The following NELFA variants were observed in gnomAD, a reference collection of about 807,000 sequenced individuals.
NELFA encodes the protein negative elongation factor complex member A.
A neutral mutation model predicts 51.8 loss-of-function variants in NELFA; 35 were observed. The observed-to-expected ratio is 0.68, with a 90% CI of 0.52 to 0.90. NELFA has a LOEUF of 0.90. Among genes scored for constraint, NELFA ranks in the 40% least tolerant of loss-of-function variants. The pLI, the probability that NELFA is intolerant of heterozygous loss-of-function variation, is 0.00. For synonymous variants in NELFA, 417 were observed against 338.4 expected (o/e 1.23, Z -2.55); for missense variants, 658 against 746.4 (o/e 0.88, Z 1.38).
chr4:1,984,968 C>T (rs1359662456), intron 7 of NELFA, 49 bp from the exon 8 acceptor site: 3 of 1,374,770 alleles, frequency 2.2e-6, no homozygotes, highest in African/African-American at 1.4e-5. Flanking sequence ...ATGCTTCCGG[C>T]ATGTGCTAAC....
In NELFA at chr4:1,984,066, G is replaced by T. The variant is rs1057035677; in HGVS notation, c.1084C>A (p.Pro362Thr). The T allele has an allele frequency of 5.0e-6, 8 of 1,597,380 alleles. No homozygotes were observed. The highest frequency in any genetic ancestry group is 6.8e-6 in the Non-Finnish European group (8 of 1,176,392). The stretch of plus-strand genomic sequence containing the variant: ...AACTGCGCTGGCAACGTGGGGCTCG[G>T]GGCGCTGGGCTCCTCTGGTGGGCGG... ...ASRPPEEPSAPSPTLPAQFKQ... is the reference protein window; with the variant it reads ...ASRPPEEPSATSPTLPAQFKQ... The change falls in exon 9 of 11, where the codon CCG (proline) becomes ACG (threonine). Residue 362 changes from proline (P) to threonine (T), a missense_variant. Pro to Thr is a conservative substitution (Grantham distance 38). Transcript: ENST00000382882.
At chr4:1,984,721 A>T in intron 8 of NELFA, 87 bp downstream of exon 8, 2 of 900,292 alleles carry the variant, frequency 2.2e-6, no homozygotes, top group Non-Finnish European at 3.4e-6. Context: ...TGCAGGAGTG[A>T]GAACCGCAGC....
chr4:1,995,069 C>G (rs1270459679), intron 1 of NELFA, among the ~76,000 whole-genome samples: 1 of 152,170 alleles, frequency 6.6e-6, no homozygotes, highest in Non-Finnish European at 1.5e-5. Flanking sequence ...CTGAATTGTA[C>G]TGAGTGAGGC....
Position 1,984,821 on chromosome 4 carries a change from G to C in NELFA, c.1023C>G (p.Ser341=). The change falls in exon 8 of 11, where the codon TCC becomes TCG. Residue 341 remains serine, a synonymous_variant. Coordinates refer to ENST00000382882, the MANE Select transcript of NELFA (RefSeq NM_005663.5). ...CAGCAGACTCACCTGGGGGCGTCTC[G>C]GAGCTGGGGATGTAGGAGGAGGCGG... The part of the protein sequence containing the change: ...VVPASSYIPS[S]ETPPAPSSRE... 6.4e-7 allele frequency: 1 copy of C among 1,564,428 alleles called. No individual in the cohort carries two copies. The highest frequency in any genetic ancestry group is 8.7e-7 in the Non-Finnish European group (1 of 1,153,842).
rs143788115 is a variant in NELFA, at chr4:1,997,739, G to A, written c.211-6024C>T. Among the ~76,000 whole-genome samples, 61 of 152,324 alleles carry A rather than the reference G, an allele frequency of 4.0e-4. No individual in the cohort carries two copies. In the East Asian group the frequency reaches 5.0e-3, roughly 13 times the overall value. On this transcript the variant is annotated intron_variant, in intron 1 of 10. Coordinates refer to ENST00000382882, the MANE Select transcript of NELFA (RefSeq NM_005663.5). Reference sequence around the variant, plus strand: ...AGAATAACCTGGGCAGCCCAGACAAGTGGTTTCCCCCCACTGAAGCACACT... The same window carrying A: ...AGAATAACCTGGGCAGCCCAGACAAATGGTTTCCCCCCACTGAAGCACACT...
chr4:1,993,511 G>A (rs904430667), intron 1 of NELFA, among the ~76,000 whole-genome samples: 35 of 151,016 alleles, frequency 2.3e-4, no homozygotes, highest in Non-Finnish European at 4.4e-4. Context: ...CCCAGGAGGC[G>A]GAGGTTGCGT....
chr4:1,992,551 T>TA (rs1453169634), intron 1 of NELFA: 2 of 356,796 alleles, frequency 5.6e-6, no homozygotes, highest in Non-Finnish European at 1.2e-5. Context: ...CTGGGCTGGC[T>TA]GGCGCTGGGG....
chr4:2,002,983 A>G (rs921703636), intron 1 of NELFA, among the ~76,000 whole-genome samples: 1 of 152,234 alleles, frequency 6.6e-6, no homozygotes, highest in Admixed American at 6.5e-5. Flanking sequence ...CAATCTACTC[A>G]TCTGACAAAG....
intron 6 of NELFA, 125 bp from the exon 7 acceptor site, chr4:1,985,989 C>T (rs1728079277): frequency 2.2e-6 from 3 of 1,343,124 alleles, no homozygotes; most frequent in Non-Finnish European, 2.0e-6. Flanking sequence ...AAAGCAGGCA[C>T]CCACCCACGG....
intron 1 of NELFA, chr4:2,007,971 C>T (rs1455651183): frequency 2.2e-6 from 1 of 456,874 alleles, no homozygotes; most frequent in Non-Finnish European, 4.4e-6. Flanking sequence ...ACCTCACACA[C>T]CCACTTATTG....
In NELFA at chr4:2,008,809, C is replaced by A. The variant is rs1205655110; in HGVS notation, c.151G>T (p.Ala51Ser). The A allele has an allele frequency of 1.2e-6, 2 of 1,612,746 alleles. No individual in the cohort carries two copies. The highest frequency in any genetic ancestry group is 4.5e-5 in the East Asian group (2 of 44,814). The change falls in exon 1 of 11, where the codon GCA (alanine) becomes TCA (serine). Residue 51 changes from alanine (A) to serine (S), a missense_variant. Transcript: ENST00000382882. The stretch of plus-strand genomic sequence containing the variant: ...CCGAGTAGCAACTTGAGCTTCACTG[C>A]CGACGAGAGGCCATGGAAGCAGAGA... ...IRLCFHGLSS[A>S]VKLKLLLGTL...
Position 1,991,710 on chromosome 4 carries a change from C to G in NELFA, c.216G>C (p.Lys72Asn). 6.3e-7 allele frequency: 1 copy of G among 1,594,154 alleles called. No homozygotes were observed. The highest frequency in any genetic ancestry group is 8.5e-7 in the Non-Finnish European group (1 of 1,171,536). ...GCTGGATGATCTCCATTAGGGCGCCCTTCATCTGCAAAATAGGATGCTGCC... is the reference window on the plus strand; with the variant it reads ...GCTGGATGATCTCCATTAGGGCGCCGTTCATCTGCAAAATAGGATGCTGCC... ...HLPRRTVDEMKGALMEIIQLA... is the reference protein window; with the variant it reads ...HLPRRTVDEMNGALMEIIQLA... Residue 72 changes from lysine (K) to asparagine (N), a missense_variant, in exon 2 of 11, where the codon AAG becomes AAC. Lys to Asn is a moderately conservative substitution (Grantham distance 94). Transcript: ENST00000382882.
chr4:2,007,375 G>A (rs1024557824), intron 1 of NELFA, among the ~76,000 whole-genome samples: 4 of 152,154 alleles, frequency 2.6e-5, no homozygotes, highest in African/African-American at 7.2e-5. Flanking sequence ...GAGCACAAAA[G>A]CTAAGCGTGT....
chr4:1,984,854 G>T lies in NELFA; in HGVS notation c.990C>A (p.Ser330Arg). ...GGATGTAGGAGGAGGCGGGAACCACGCTGGGCGTGGAGGGAAGGTAGCTCG... is the reference window on the plus strand; with the variant it reads ...GGATGTAGGAGGAGGCGGGAACCACTCTGGGCGTGGAGGGAAGGTAGCTCG... ...PSTSYLPSTP[S>R]VVPASSYIPS... Residue 330 changes from serine to arginine, a missense_variant, in exon 8 of 11, where the codon AGC becomes AGA. Transcript: ENST00000382882. 1 of 1,577,828 alleles carries T rather than the reference G, an allele frequency of 6.3e-7. No individual in the cohort carries two copies. The highest frequency in any genetic ancestry group is 8.6e-7 in the Non-Finnish European group (1 of 1,161,066).
At chr4:1,987,565 G>C in intron 4 of NELFA, 1 of 237,936 alleles carries the variant, frequency 4.2e-6, no homozygotes, top group Non-Finnish European at 8.1e-6. Context: ...GGAAGGCCGA[G>C]AGCCACCGGT....
chr4:1,991,162 A>G (rs1346847530), intron 2 of NELFA, among the ~76,000 whole-genome samples: 3 of 152,178 alleles, frequency 2.0e-5, no homozygotes, highest in African/African-American at 7.2e-5. Context: ...GATATTTTCA[A>G]CATGCATTTC....
Position 1,991,617 on chromosome 4 carries a change from T to C in NELFA, c.309A>G (p.Thr103=), listed in dbSNP as rs767727218. The change falls in exon 2 of 11, where the codon ACA becomes ACG. Residue 103 remains threonine (T), a synonymous_variant. Transcript: ENST00000382882. ...CCTCCAGCTCCAGGTTAAGCGAGCC[T>C]GTGTCCGGAAAGGACTTCAAGATGT... ...VADILKSFPD[T]GSLNLELEEQ... The C allele has an allele frequency of 4.3e-6, 7 of 1,614,034 alleles. No homozygotes were observed. The highest frequency in any genetic ancestry group is 3.3e-5 in the Admixed American group (2 of 59,990).
chr4:1,984,013 G>T lies in NELFA; in HGVS notation c.1137C>A (p.Ser379Arg), dbSNP rs752983379. The change falls in exon 9 of 11, where the codon AGC becomes AGA. Residue 379 changes from serine to arginine, a missense_variant. Around this residue, in one of 3 missense-constraint regions of NELFA, gnomAD observed 200 missense variants for 167.9 expected, o/e 1.19. Coordinates refer to ENST00000382882, the MANE Select transcript of NELFA (RefSeq NM_005663.5). Reference protein sequence around the residue: ...QFKQRAPMYNSGLSPATPTPA... With the variant: ...QFKQRAPMYNRGLSPATPTPA... ...GCGTGGGTGTGGCAGGGCTCAGGCC[G>T]CTGTTGTACATGGGCGCCCGCTGCT... The T allele has an allele frequency of 1.9e-5, 30 of 1,608,570 alleles. 2 individuals are homozygous for T. In the South Asian group the frequency reaches 3.2e-4, roughly 17 times the overall value.
In NELFA at chr4:1,984,244, C is replaced by A. The variant is rs992676428; in HGVS notation, c.1037-131G>T. On this transcript the variant is annotated intron_variant, in intron 8 of 10. Coordinates refer to ENST00000382882, the MANE Select transcript of NELFA (RefSeq NM_005663.5). ...CCCTCTGACAAGAACTCCCTGTGGC[C>A]CCCAGCCAAGGCACAGGCCCCAGAA... is the stretch of plus-strand genomic sequence containing the variant. 2.2e-5 allele frequency: 26 copies of A among 1,189,398 alleles called. No homozygotes were observed. The South Asian group carries it at 2.2e-4, about 10-fold the overall frequency. The allele number at this position is 1,189,398 out of a possible 1,614,324, so 73.7% of individuals were successfully genotyped here.
Sources: allele counts gnomAD v4.1 joint callset (sites outside exome capture counted in the v4.1 genomes callset), GRCh38; gene constraint gnomAD v4.1.1; regional missense constraint gnomAD v4.1.1; transcripts MANE v1.5; gene names NCBI Gene and HGNC (gene_info 2026-07-23, HGNC 2026-07-21).